Variants in ST8SIA5 observed in about 807,000 individuals in gnomAD.
ST8SIA5 encodes alpha-2,8-sialyltransferase 8E.
Under a neutral mutation model 40.2 loss-of-function variants are expected in ST8SIA5, and 24 were observed. The observed-to-expected ratio is 0.60, with a 90% CI of 0.43 to 0.84. The LOEUF (loss-of-function observed/expected upper bound fraction) is 0.84. ST8SIA5 is among the 40% of genes least tolerant of loss of function. ST8SIA5 has a pLI of 0.00. For synonymous variants in ST8SIA5, 198 were observed against 201.8 expected, an observed-to-expected ratio of 0.98 and a Z score of 0.16; for missense variants, 465 against 498.5, an observed-to-expected ratio of 0.93 and a Z score of 0.64.
chr18:46,679,582 G>T lies in ST8SIA5; in HGVS notation c.*460C>A, dbSNP rs116239837. ...TCGATATAAAACACAGGAACCAAAA[G>T]TGTGAATAAAATCTTGACTGTGCTC... On this transcript the variant is annotated 3_prime_UTR_variant, in exon 7 of 7. Coordinates refer to ENST00000315087, the MANE Select transcript of ST8SIA5 (RefSeq NM_013305.6). 5.6e-3 allele frequency: 968 copies of T among 174,208 alleles called. 12 individuals carry two copies. Among genetic ancestry groups the T allele is most frequent in the African/African-American group, 0.022 (919 of 42,176 alleles). The allele number at this position is 174,208 out of a possible 1,614,324, so 10.8% of individuals were successfully genotyped here.
intron 1 of ST8SIA5, among the ~76,000 whole-genome samples, chr18:46,736,795 C>G (rs1431925187): frequency 6.6e-6 from 1 of 151,966 alleles, no homozygotes; most frequent in Non-Finnish European, 1.5e-5. Context: ...TTTTATTCTC[C>G]CAGGACACCC....
At chr18:46,706,197 C>T (rs1599118258) in intron 1 of ST8SIA5, among the ~76,000 whole-genome samples, 1 of 151,512 alleles carries the variant, frequency 6.6e-6, no homozygotes, top group East Asian at 1.9e-4. Context: ...AAATATTTTC[C>T]ACAACAAATT....
At position 46,678,332 on chromosome 18, in the gene ST8SIA5, C is replaced by T. The variant is rs1194680839; in HGVS notation, c.*1710G>A. 1 of 152,928 alleles carries T rather than the reference C, an allele frequency of 6.5e-6. No individual in the cohort carries two copies. The allele number at this position is 152,928 out of a possible 1,614,324, so 9.5% of individuals were successfully genotyped here. On this transcript the variant is annotated 3_prime_UTR_variant, in exon 7 of 7. Transcript: ENST00000315087. ...CCCCCACAGGAAGCCCAAGCCAAGA[C>T]ACAAAAGTTTGGCCAAGAACGGAGC...
chr18:46,692,344 T>C, intron 2 of ST8SIA5, 89 bp from the exon 3 acceptor site: 1 of 1,172,796 alleles, frequency 8.5e-7, no homozygotes, highest in Non-Finnish European at 1.3e-6. Context: ...TGATCTCCCA[T>C]AGGCCAAGTC....
chr18:46,725,286 AC>A (rs1265466269), intron 1 of ST8SIA5, among the ~76,000 whole-genome samples: 2 of 152,170 alleles, frequency 1.3e-5, no homozygotes, highest in African/African-American at 4.8e-5. Flanking sequence ...TAGTTCACAA[AC>A]ATATCAAATC....
intron 2 of ST8SIA5, among the ~76,000 whole-genome samples, chr18:46,697,705 C>T (rs926537238): frequency 2.0e-5 from 3 of 151,722 alleles, no homozygotes; most frequent in African/African-American, 7.3e-5. Context: ...GACCTTGTCT[C>T]AACAACAATA....
rs772209308 is a variant in ST8SIA5 at position 46,704,600 on chromosome 18, C to T, written c.196G>A (p.Glu66Lys). 3.1e-6 allele frequency: 5 copies of T among 1,611,152 alleles called. No homozygotes were observed. The highest frequency in any genetic ancestry group is 3.3e-4 in the Middle Eastern group (2 of 6,062). Residue 66 changes from glutamate (E) to lysine (K), a missense_variant, in exon 2 of 7, where the codon GAA becomes AAA. Coordinates refer to ENST00000315087, the MANE Select transcript of ST8SIA5 (RefSeq NM_013305.6). ...GACAGCACCTTCACTTCCAATATTT[C>T]GTGCCTCAGCTCCAGGCATCTTGTG... The part of the protein sequence containing the change: ...NSTRCLELRH[E>K]ILEVKVLSMV...
intron 1 of ST8SIA5, among the ~76,000 whole-genome samples, chr18:46,756,014 G>T (rs942263326): frequency 8.5e-5 from 13 of 152,154 alleles, no homozygotes; most frequent in African/African-American, 3.1e-4. Flanking sequence ...TGAGCCCTCC[G>T]ACCCCGGAGT....
At chr18:46,725,382 T>A (rs989252625) in intron 1 of ST8SIA5, among the ~76,000 whole-genome samples, 1 of 152,140 alleles carries the variant, frequency 6.6e-6, no homozygotes, top group African/African-American at 2.4e-5. Flanking sequence ...ACAGCATGCA[T>A]GAAGGGTCAG....
intron 1 of ST8SIA5, among the ~76,000 whole-genome samples, chr18:46,746,104 A>C (rs1406122898): frequency 6.6e-6 from 1 of 152,230 alleles, no homozygotes; most frequent in Non-Finnish European, 1.5e-5. Context: ...ACCCACAGCC[A>C]GTATCATACT....
At position 46,689,740 on chromosome 18, in the gene ST8SIA5, A is replaced by ATT. The variant is rs961770000; in HGVS notation, c.312-823_312-822dup. ...AGGCAAGCACCACCATGCCTGGCTA[A>ATT]TTTTTTTTTTTTTTTTTTTTAGTAG... On this transcript the variant is annotated intron_variant, in intron 3 of 6. Transcript: ENST00000315087. 2.6e-3 allele frequency among the ~76,000 whole-genome samples: 339 copies of ATT among 128,088 alleles called. 2 individuals are homozygous for ATT. Among genetic ancestry groups the ATT allele is most frequent in the African/African-American group, 8.1e-3 (274 of 33,748 alleles). The allele number at this position is 128,088 out of a possible 152,430, so 84.0% of individuals were successfully genotyped here.
At chr18:46,685,419 C>A (rs894755610) in intron 5 of ST8SIA5, among the ~76,000 whole-genome samples, 6 of 152,314 alleles carry the variant, frequency 3.9e-5, no homozygotes, top group African/African-American at 1.4e-4. Flanking sequence ...GTGTCTCTCA[C>A]ACTCCGCCTG....
chr18:46,683,475 T>C (rs1049941391), intron 5 of ST8SIA5, among the ~76,000 whole-genome samples: 15 of 152,020 alleles, frequency 9.9e-5, no homozygotes, highest in Admixed American at 9.8e-4. Context: ...GGAGTGACTG[T>C]GGCCCGGTGA....
At chr18:46,750,923 A>T (rs1451564723) in intron 1 of ST8SIA5, among the ~76,000 whole-genome samples, 1 of 152,192 alleles carries the variant, frequency 6.6e-6, no homozygotes, top group African/African-American at 2.4e-5. Flanking sequence ...TGTAAAATTT[A>T]ATGGGTTGCT....
chr18:46,731,227 A>G (rs2144545356), intron 1 of ST8SIA5, among the ~76,000 whole-genome samples: 1 of 152,378 alleles, frequency 6.6e-6, no homozygotes, highest in Middle Eastern at 3.4e-3. Flanking sequence ...CTTATTCAAT[A>G]GTAAAAACAT....
chr18:46,727,752 G>C (rs2039944885), intron 1 of ST8SIA5, among the ~76,000 whole-genome samples: 1 of 152,072 alleles, frequency 6.6e-6, no homozygotes, highest in Non-Finnish European at 1.5e-5. Context: ...TCAAGCCCAA[G>C]CCCGGCGTCA....
At chr18:46,737,354 T>C (rs910076634) in intron 1 of ST8SIA5, among the ~76,000 whole-genome samples, 17 of 152,210 alleles carry the variant, frequency 1.1e-4, no homozygotes, top group Admixed American at 4.6e-4. Flanking sequence ...TCTTACATAA[T>C]TTTTCATGTT....
intron 2 of ST8SIA5, 34 bp downstream of exon 2, chr18:46,704,535 CATG>C: frequency 1.3e-6 from 2 of 1,580,410 alleles, no homozygotes; most frequent in Non-Finnish European, 8.7e-7. Flanking sequence ...CCCACCTCCA[CATG>C]CTCCCTGCAC....
intron 1 of ST8SIA5, among the ~76,000 whole-genome samples, chr18:46,754,010 G>A (rs1450915887): frequency 6.6e-6 from 1 of 152,122 alleles, no homozygotes; most frequent in Non-Finnish European, 1.5e-5. Context: ...GCCTCTGCTT[G>A]AAGAACACTG....
Sources: gnomAD v4.1 joint callset for allele counts (sites outside exome capture counted in the v4.1 genomes callset) on GRCh38, gnomAD v4.1.1 for gene constraint, MANE v1.5 for transcripts, NCBI Gene and HGNC (gene_info 2026-07-23, HGNC 2026-07-21) for gene names.